CYRIB: variants seen among roughly 807,000 people sequenced by gnomAD.
CYRIB encodes the protein CYFIP-related Rac1 interactor B.
In CYRIB, 8 loss-of-function variants were observed where a neutral mutation model predicts 44.2. The observed-to-expected ratio is 0.18, with a 90% CI of 0.11 to 0.33. The LOEUF (loss-of-function observed/expected upper bound fraction) is 0.33. CYRIB is among the 10% of genes least tolerant of loss of function. CYRIB has a pLI of 1.00. For synonymous variants in CYRIB, 131 were observed against 127.2 expected (o/e 1.03, Z -0.20); for missense variants, 185 against 382.8 (o/e 0.48, Z 4.31).
At chr8:129,924,418 AT>A (rs2086176007) in intron 1 of CYRIB, among the ~76,000 whole-genome samples, 2 of 149,836 alleles carry the variant, frequency 1.3e-5, no homozygotes, top group South Asian at 4.2e-4. Context: ...ATGCCACTTT[AT>A]TCACAACAAA....
intron 1 of CYRIB, among the ~76,000 whole-genome samples, chr8:129,987,032 A>C (rs1444579316): frequency 2.6e-5 from 4 of 152,212 alleles, no homozygotes. Context: ...GACTTCTCTC[A>C]CACTTTGGCT....
At chr8:129,853,676 C>T (rs1210782987) in intron 7 of CYRIB, among the ~76,000 whole-genome samples, 1 of 152,104 alleles carries the variant, frequency 6.6e-6, no homozygotes, top group African/African-American at 2.4e-5. Flanking sequence ...GAGTAATAAA[C>T]AGCTTAAGAG....
At chr8:129,948,133 C>T (rs772172504) in intron 2 of CYRIB, among the ~76,000 whole-genome samples, 5 of 152,198 alleles carry the variant, frequency 3.3e-5, no homozygotes, top group South Asian at 4.1e-4. Context: ...TGTTTGCAGC[C>T]GGAAAAGCTG....
rs1280656479 is a variant in CYRIB, at chr8:129,857,145, C to T, written c.302-1398G>A. On this transcript the variant is annotated intron_variant, in intron 5 of 11. Transcript: ENST00000519824. ...AGTCTGAAAATGTACTGACTGGCTA[C>T]TCTGTGCCAAGCACTGGGAAAATGG... 2.0e-5 allele frequency among the ~76,000 whole-genome samples: 3 copies of T among 152,146 alleles called. No individual in the cohort carries two copies. In the South Asian group the frequency reaches 6.2e-4, roughly 32 times the overall value.
chr8:129,968,771 T>A (rs1176980245), intron 2 of CYRIB, among the ~76,000 whole-genome samples: 1 of 152,200 alleles, frequency 6.6e-6, no homozygotes. Context: ...GTAACTTTTT[T>A]TCCAGTCAAG....
intron 3 of CYRIB, among the ~76,000 whole-genome samples, chr8:129,878,683 T>C (rs2059943957): frequency 6.6e-6 from 1 of 152,140 alleles, no homozygotes; most frequent in Admixed American, 6.6e-5. Flanking sequence ...AAGCAAAAGC[T>C]TTGCAACATG....
At chr8:130,004,499 G>A (rs1006926477) in intron 1 of CYRIB, 4 of 152,164 alleles carry the variant, frequency 2.6e-5, no homozygotes, top group East Asian at 1.9e-4. Context: ...AGTGTATTTT[G>A]CCTATTGTAT....
chr8:129,888,686 T>C (rs1014862790), intron 2 of CYRIB, among the ~76,000 whole-genome samples: 4 of 152,214 alleles, frequency 2.6e-5, no homozygotes, highest in African/African-American at 4.8e-5. Flanking sequence ...TTACTCTGTC[T>C]TCCTCTGAGT....
At chr8:129,932,256 C>A (rs1430234809) in intron 1 of CYRIB, among the ~76,000 whole-genome samples, 1 of 151,992 alleles carries the variant, frequency 6.6e-6, no homozygotes, top group Non-Finnish European at 1.5e-5. Flanking sequence ...AGCAGAGGTA[C>A]CAGCTGCCCT....
At chr8:129,877,312 T>C (rs930099214) in intron 3 of CYRIB, among the ~76,000 whole-genome samples, 6 of 152,190 alleles carry the variant, frequency 3.9e-5, no homozygotes, top group Admixed American at 3.9e-4. Context: ...TTGGTTATTA[T>C]TGTTGCTTGC....
chr8:130,006,649 TAC>T lies in CYRIB; in HGVS notation c.-296+9719_-296+9720del, dbSNP rs1303547816. ...ATATACATATATATGTGTATATATATACATATATATATGTATATATATATGTA... is the reference window on the plus strand; with the variant it reads ...ATATACATATATATGTGTATATATATATATATATATGTATATATATATGTA... On this transcript the variant is annotated intron_variant, in intron 1 of 14. Coordinates refer to the CYRIB transcript ENST00000401979. 5.3e-5 allele frequency among the ~76,000 whole-genome samples: 6 copies of T among 112,904 alleles called. No individual in the cohort carries two copies. In the South Asian group the frequency reaches 8.0e-4, roughly 15 times the overall value. 74.1% of individuals were successfully genotyped at this position (112,904 alleles called of 152,430 possible).
At chr8:129,939,885 GC>G (rs1274247889), upstream of CYRIB, 1 of 152,262 alleles carries the variant, frequency 6.6e-6, no homozygotes, top group African/African-American at 2.4e-5. Flanking sequence ...GACCTGTCCG[GC>G]CGTGCGCATG....
In CYRIB at chr8:129,903,739, T is replaced by C. The variant is rs191215350; in HGVS notation, c.-49-389A>G. 3.3e-5 allele frequency among the ~76,000 whole-genome samples: 5 copies of C among 152,346 alleles called. No individual in the cohort carries two copies. In the East Asian group the frequency reaches 9.6e-4, roughly 29 times the overall value. On this transcript the variant is annotated intron_variant, in intron 1 of 11. Coordinates refer to ENST00000519824, the Ensembl canonical transcript of CYRIB. ...GCCTAAAACTATGAAAAGAGGCATA[T>C]TTATATTTCTTATCACAGTTTAAGT...
chr8:129,902,600 T>C (rs191104448), intron 2 of CYRIB, among the ~76,000 whole-genome samples: 11 of 152,174 alleles, frequency 7.2e-5, no homozygotes, highest in African/African-American at 2.7e-4. Flanking sequence ...CACTGCGGCC[T>C]GGACATCCCA....
At chr8:129,976,639 T>C (rs1160746534) in intron 1 of CYRIB, among the ~76,000 whole-genome samples, 1 of 152,194 alleles carries the variant, frequency 6.6e-6, no homozygotes, top group Non-Finnish European at 1.5e-5. Flanking sequence ...ATACTGCAAT[T>C]AGTTATAAGC....
intron 5 of CYRIB, among the ~76,000 whole-genome samples, chr8:129,858,882 G>C (rs2047628708): frequency 6.6e-6 from 1 of 152,180 alleles, no homozygotes; most frequent in South Asian, 2.1e-4. Flanking sequence ...AAACAAGCAA[G>C]TACAGAACAA....
intron 10 of CYRIB, among the ~76,000 whole-genome samples, chr8:129,847,960 C>T (rs977825514): frequency 6.6e-6 from 1 of 152,122 alleles, no homozygotes; most frequent in African/African-American, 2.4e-5. Flanking sequence ...TGCCACCACA[C>T]CCAGCTAATT....
In CYRIB at chr8:129,979,733, T is replaced by G. The variant is rs190417784; in HGVS notation, c.-295-8738A>C. Among the ~76,000 whole-genome samples, 630 of 152,004 alleles carry G rather than the reference T, an allele frequency of 4.1e-3. 3 individuals are homozygous for G. Among genetic ancestry groups the G allele is most frequent in the Non-Finnish European group, 7.0e-3 (476 of 67,964 alleles). On this transcript the variant is annotated intron_variant, in intron 1 of 14. Coordinates refer to the CYRIB transcript ENST00000401979. The stretch of plus-strand genomic sequence containing the variant: ...GAGTTTGAAACCAGCCTGGCCAACA[T>G]GGTGAAACCCAGTCTCTACTAATAA...
At chr8:129,996,725 C>T (rs1269983723) in intron 1 of CYRIB, among the ~76,000 whole-genome samples, 3 of 152,124 alleles carry the variant, frequency 2.0e-5, no homozygotes, top group Non-Finnish European at 4.4e-5. Context: ...GCCCTCCCTC[C>T]CCCACAGCCC....
Sources: allele counts gnomAD v4.1 joint callset (sites outside exome capture counted in the v4.1 genomes callset), GRCh38; gene constraint gnomAD v4.1.1; transcripts MANE v1.5; gene names NCBI Gene and HGNC (gene_info 2026-07-23, HGNC 2026-07-21).